FLT4: variants seen among roughly 807,000 people sequenced by gnomAD.
FLT4 encodes vascular endothelial growth factor receptor 3.
A neutral mutation model predicts 163.2 loss-of-function variants in FLT4; 30 were observed. The observed-to-expected ratio is 0.18, with a 90% CI of 0.14 to 0.25. FLT4 has a LOEUF of 0.25. Ranked by LOEUF, FLT4 falls within the 10% of genes least tolerant of loss-of-function variation. The pLI is 1.00. For synonymous variants in FLT4, 884 were observed against 789.5 expected, an observed-to-expected ratio of 1.12 and a Z score of -2.01; for missense variants, 1,510 against 1,863.8, an observed-to-expected ratio of 0.81 and a Z score of 3.50.
intron 29 of FLT4, among the ~76,000 whole-genome samples, chr5:180,604,558 G>A (rs1761689604): frequency 1.3e-5 from 2 of 152,202 alleles, no homozygotes; most frequent in African/African-American, 2.4e-5. Context: ...GCCCTCCAAC[G>A]GCTTCCCGTC....
At position 180,603,364 on chromosome 5, in the gene FLT4, G is replaced by A. The variant is rs2127781827; in HGVS notation, c.3920C>T (p.Ala1307Val). ...FSCKGPGQNV[A>V]VTRAHPDSQG... ...GGAGTCAGGGTGTGCCCTGGTCACA[G>A]CCACATTCTGGCCAGGTCCTTTACA... Residue 1307 changes from alanine to valine, a missense_variant, in exon 30 of 30, where the codon GCT becomes GTT. Around this residue, in one of 5 missense-constraint regions of FLT4, gnomAD observed 295 missense variants for 311.0 expected, o/e 0.95. Coordinates refer to ENST00000261937, the MANE Select transcript of FLT4 (RefSeq NM_182925.5). 1 of 1,614,098 alleles carries A rather than the reference G, an allele frequency of 6.2e-7. No individual in the cohort carries two copies. The highest frequency in any genetic ancestry group is 1.3e-5 in the African/African-American group (1 of 75,076).
chr5:180,631,942 G>A (rs1299873814), intron 1 of FLT4, among the ~76,000 whole-genome samples, 164 bp from the exon 2 acceptor site: 3 of 151,582 alleles, frequency 2.0e-5, no homozygotes, highest in Non-Finnish European at 2.9e-5. Flanking sequence ...TGTGCGCCGT[G>A]AGCAGCACCA....
Position 180,602,739 on chromosome 5 carries a change from T to TAGATCTCG in FLT4, c.*452_*453insCGAGATCT. 2.2e-6 allele frequency: 1 copy of TAGATCTCG among 459,074 alleles called. No homozygotes were observed. Among genetic ancestry groups the TAGATCTCG allele is most frequent in the Non-Finnish European group, 3.8e-6 (1 of 262,158 alleles). 28.4% of individuals were successfully genotyped at this position (459,074 alleles called of 1,614,324 possible). A position where few individuals can be genotyped will look rare whatever the true frequency, so the allele number is the denominator to read the frequency against. ...CCAGCCCTCGTGGGGAGAGTAGCTG[T>TAGATCTCG]GTGCCTGAGGAGGAAAGGGCGTTTG... is the stretch of plus-strand genomic sequence containing the variant. On this transcript the variant is annotated 3_prime_UTR_variant, in exon 30 of 30. Transcript: ENST00000261937.
chr5:180,631,107 A>T (rs972610872), intron 2 of FLT4, among the ~76,000 whole-genome samples: 2 of 151,762 alleles, frequency 1.3e-5, no homozygotes, highest in Admixed American at 1.3e-4. Flanking sequence ...GATGCAGATG[A>T]CCTGGGAGGT....
intron 29 of FLT4, among the ~76,000 whole-genome samples, chr5:180,605,923 C>A (rs1420869703): frequency 6.6e-6 from 1 of 152,160 alleles, no homozygotes; most frequent in Admixed American, 6.5e-5. Context: ...AGGAGGTGAA[C>A]CCCCATGGGG....
chr5:180,621,085 C>T (rs995373119), intron 14 of FLT4, 21 bp downstream of exon 14: 2 of 1,612,742 alleles, frequency 1.2e-6, no homozygotes. Context: ...ACCTGCCCTT[C>T]GCCAGGGCCA....
rs1208857105 is a variant in FLT4, at chr5:180,622,716, G to A, written c.1657+15C>T. On this transcript the variant is annotated intron_variant, in intron 12 of 29. Coordinates refer to ENST00000261937, the MANE Select transcript of FLT4 (RefSeq NM_182925.5). The stretch of plus-strand genomic sequence containing the variant: ...CCCTGTACCCAGGCCTCCCCGCCCT[G>A]GTCTGGTCACTCACTGGTCACATAG... 9 of 1,549,006 alleles carry A rather than the reference G, an allele frequency of 5.8e-6. No individual in the cohort carries two copies. Among genetic ancestry groups the A allele is most frequent in the South Asian group, 1.1e-5 (1 of 89,730 alleles).
At position 180,620,980 on chromosome 5, in the gene FLT4, T is replaced by C; in HGVS notation, c.2195A>G (p.Lys732Arg). ...CTCGCGCACGCGCTGGATGCTCAGC[T>C]TCTGGTTGGAGTCCGCCAAGTCGAC... ...SGVDLADSNQ[K>R]LSIQRVREED... The change falls in exon 15 of 30, where the codon AAG (lysine) becomes AGG (arginine). Residue 732 changes from lysine to arginine, a missense_variant. Coordinates refer to ENST00000261937, the MANE Select transcript of FLT4 (RefSeq NM_182925.5). The surrounding 1 kb of genome is among the most constrained non-coding windows in gnomAD (Gnocchi z 4.4). The C allele has an allele frequency of 6.2e-7, 1 of 1,611,340 alleles. No homozygotes were observed. The highest frequency in any genetic ancestry group is 8.5e-7 in the Non-Finnish European group (1 of 1,179,010).
intron 8 of FLT4, 92 bp from the exon 9 acceptor site, chr5:180,626,357 G>A: frequency 4.2e-6 from 6 of 1,435,694 alleles, no homozygotes; most frequent in Non-Finnish European, 5.8e-6. Flanking sequence ...GTTGGGAGGA[G>A]GGAGGGGCTG....
At chr5:180,631,476 A>C (rs1764155634) in intron 2 of FLT4, among the ~76,000 whole-genome samples, 1 of 150,650 alleles carries the variant, frequency 6.6e-6, no homozygotes, top group Non-Finnish European at 1.5e-5. Context: ...CCATCTCAGA[A>C]AAAAAAAAAG....
chr5:180,613,926 G>C, intron 24 of FLT4, 142 bp downstream of exon 24: 2 of 718,234 alleles, frequency 2.8e-6, no homozygotes, highest in East Asian at 5.3e-5. Context: ...GGGGGCCCTT[G>C]GTGGCCCACA....
chr5:180,615,421 C>T (rs1221104854), intron 23 of FLT4, among the ~76,000 whole-genome samples: 1 of 134,366 alleles, frequency 7.4e-6, no homozygotes, highest in African/African-American at 2.8e-5. Flanking sequence ...CTCCCTTCTC[C>T]ACTTCCTTTC....
intron 23 of FLT4, among the ~76,000 whole-genome samples, chr5:180,615,857 C>T (rs10041774): frequency 1.9e-4 from 7 of 36,406 alleles, no homozygotes; most frequent in African/African-American, 7.9e-4. Flanking sequence ...CACTTCCTTT[C>T]GGAGCACTGG....
intron 1 of FLT4, among the ~76,000 whole-genome samples, chr5:180,638,643 C>T (rs917373986): frequency 3.9e-5 from 6 of 152,212 alleles, no homozygotes; most frequent in Non-Finnish European, 5.9e-5. Flanking sequence ...TCCACACCCT[C>T]GTGGTTCATC....
rs372854098 is a variant in FLT4 at position 180,630,057 on chromosome 5, G to A, written c.562C>T (p.Arg188Trp). Reference protein sequence around the residue: ...PDGQEVVWDDRRGMLVSTPLL... With the variant: ...PDGQEVVWDDWRGMLVSTPLL... ...GGCGTGGACACGAGCATGCCCCGCC[G>A]GTCATCCCACACCACCTCCTGCCCG... The change falls in exon 5 of 30, where the codon CGG (arginine) becomes TGG (tryptophan). Residue 188 changes from arginine to tryptophan, a missense_variant. Around this residue, in one of 5 missense-constraint regions of FLT4, gnomAD observed 163 missense variants for 281.1 expected, o/e 0.58. Coordinates refer to ENST00000261937, the MANE Select transcript of FLT4 (RefSeq NM_182925.5). This position sits in a 1 kb window ranked among gnomAD's most constrained non-coding sequence, Gnocchi z 6.3. The A allele has an allele frequency of 1.9e-6, 3 of 1,612,752 alleles. No homozygotes were observed. The highest frequency in any genetic ancestry group is 1.7e-6 in the Non-Finnish European group (2 of 1,180,002).
At position 180,621,555 on chromosome 5, in the gene FLT4, G is replaced by A. The variant is rs140669754; in HGVS notation, c.2007C>T (p.Tyr669=). 6 of 1,611,960 alleles carry A rather than the reference G, an allele frequency of 3.7e-6. No individual in the cohort carries two copies. In the Admixed American group the frequency reaches 6.7e-5, roughly 18 times the overall value. ...GGCCAGCCTCACCCTGCACCGACAG[G>A]TACTTCTTGTGGCAGTGCTTGTCAT... The part of the protein sequence containing the change: ...RSHDKHCHKK[Y]LSVQALEAPR... Residue 669 remains tyrosine, a synonymous_variant, in exon 13 of 30, where the codon TAC becomes TAT. Coordinates refer to ENST00000261937, the MANE Select transcript of FLT4 (RefSeq NM_182925.5).
rs1310636098 is a variant in FLT4 at position 180,621,722 on chromosome 5, G to A, written c.1840C>T (p.His614Tyr). Reference sequence around the variant, plus strand: ...GCGGCCAGAGGGGTGGCGAACAGATGCACGTTCTTGCAGTCGAGCAGAAGC... The same window carrying A: ...GCGGCCAGAGGGGTGGCGAACAGATACACGTTCTTGCAGTCGAGCAGAAGC... ...NPLLLDCKNVHLFATPLAASL... is the reference protein window; with the variant it reads ...NPLLLDCKNVYLFATPLAASL... The change falls in exon 13 of 30, where the codon CAT (histidine) becomes TAT (tyrosine). Residue 614 changes from histidine (H) to tyrosine (Y), a missense_variant. By Grantham distance (83) the His-to-Tyr change is moderately conservative. Transcript: ENST00000261937. 1.2e-6 allele frequency: 2 copies of A among 1,613,010 alleles called. No individual in the cohort carries two copies. The highest frequency in any genetic ancestry group is 2.2e-5 in the East Asian group (1 of 44,880).
At position 180,629,319 on chromosome 5, in the gene FLT4, C is replaced by A; in HGVS notation, c.925G>T (p.Val309Leu). The change falls in exon 7 of 30, where the codon GTG becomes TTG. Residue 309 changes from valine (V) to leucine (L), a missense_variant. Around this residue, in one of 5 missense-constraint regions of FLT4, gnomAD observed 163 missense variants for 281.1 expected, o/e 0.58. Coordinates refer to ENST00000261937, the MANE Select transcript of FLT4 (RefSeq NM_182925.5). ...TGGATGCCGTTGTTGGCCTTGCACA[C>A]ATACGAGCCCAGGTCGTGCTGGCTG... Reference protein sequence around the residue: ...NVSQHDLGSYVCKANNGIQRF... With the variant: ...NVSQHDLGSYLCKANNGIQRF... 1 of 1,613,346 alleles carries A rather than the reference C, an allele frequency of 6.2e-7. No homozygotes were observed. The highest frequency in any genetic ancestry group is 8.5e-7 in the Non-Finnish European group (1 of 1,180,026).
rs753297291 is a variant in FLT4 at position 180,621,116 on chromosome 5, C to G, written c.2157G>C (p.Glu719Asp). 1.2e-6 allele frequency: 2 copies of G among 1,612,670 alleles called. No homozygotes were observed. The highest frequency in any genetic ancestry group is 1.7e-6 in the Non-Finnish European group (2 of 1,179,994). Residue 719 changes from glutamate to aspartate, a missense_variant, in exon 14 of 30, where the codon GAG (glutamate) becomes GAC (aspartate). By Grantham distance (45) the Glu-to-Asp change is conservative. Coordinates refer to ENST00000261937, the MANE Select transcript of FLT4 (RefSeq NM_182925.5). ...IVWYKDERLL[E>D]EKSGVDLADS... ...GGCCACCCTCCCTACCAGACTTTTC[C>G]TCCAGCAGCCTCTCGTCTTTGTACC...
Sources: gnomAD v4.1 joint callset for allele counts (sites outside exome capture counted in the v4.1 genomes callset) on GRCh38, gnomAD v4.1.1 for gene constraint, gnomAD v4.1.1 regional missense constraint, Gnocchi (gnomAD v3.1) non-coding constraint, MANE v1.5 for transcripts, NCBI Gene and HGNC (gene_info 2026-07-23, HGNC 2026-07-21) for gene names.